Variants in SGMS2 observed in about 807,000 individuals in gnomAD.
SGMS2 encodes sphingomyelin synthase 2.
SGMS2 carries 21 observed loss-of-function variants against 43.8 expected under a neutral mutation model. That is an observed-to-expected ratio of 0.48 (90% CI 0.34 to 0.69). The LOEUF (loss-of-function observed/expected upper bound fraction) is 0.69, where lower values mean the gene tolerates loss of function less well. Ranked by LOEUF, SGMS2 falls within the 30% of genes least tolerant of loss-of-function variation. The probability of loss-of-function intolerance (pLI) is 0.01; values close to 1 mark genes in which losing one functional copy is unlikely to be tolerated. For missense variants in SGMS2, 384 were observed against 443.2 expected, an observed-to-expected ratio of 0.87 and a Z score of 1.20; for synonymous variants, 167 against 160.6, an observed-to-expected ratio of 1.04 and a Z score of -0.30.
chr4:107,844,108 G>T (rs1163340187), intron 1 of SGMS2, among the ~76,000 whole-genome samples: 1 of 151,046 alleles, frequency 6.6e-6, no homozygotes, highest in Non-Finnish European at 1.5e-5. Flanking sequence ...AGATCATGAG[G>T]TCAGGAGTTC....
intron 1 of SGMS2, among the ~76,000 whole-genome samples, chr4:107,848,567 C>T (rs938007823): frequency 6.6e-6 from 1 of 152,186 alleles, no homozygotes; most frequent in Non-Finnish European, 1.5e-5. Context: ...GCTCCACATC[C>T]TCACCAGCAT....
intron 2 of SGMS2, chr4:107,893,232 C>CCGA (rs1277804269): frequency 6.6e-6 from 1 of 152,030 alleles, no homozygotes; most frequent in Non-Finnish European, 1.5e-5. Flanking sequence ...TGTTCTAGAA[C>CCGA]CGAGTAGCTA....
At chr4:107,830,423 A>G (rs1166900954) in intron 1 of SGMS2, among the ~76,000 whole-genome samples, 2 of 152,156 alleles carry the variant, frequency 1.3e-5, no homozygotes, top group African/African-American at 4.8e-5. Flanking sequence ...GTCAAATGGT[A>G]GTTCTGTTCT....
At chr4:107,907,032 T>G (rs1236177365) in intron 5 of SGMS2, among the ~76,000 whole-genome samples, 3 of 152,158 alleles carry the variant, frequency 2.0e-5, no homozygotes, top group Non-Finnish European at 2.9e-5. Flanking sequence ...TTTAATGTCC[T>G]GAGTCTAACA....
At chr4:107,856,817 C>G (rs895853026) in intron 1 of SGMS2, among the ~76,000 whole-genome samples, 6 of 152,116 alleles carry the variant, frequency 3.9e-5, no homozygotes, top group Non-Finnish European at 7.4e-5. Flanking sequence ...CATCTGTTCA[C>G]AGCATTTCAG....
chr4:107,878,713 T>C (rs1729113306), intron 2 of SGMS2, among the ~76,000 whole-genome samples: 2 of 152,308 alleles, frequency 1.3e-5, no homozygotes, highest in South Asian at 4.1e-4. Context: ...AGATTCTCCT[T>C]CTGGAGAGCT....
Position 107,895,322 on chromosome 4 carries a change from C to A in SGMS2, c.-232C>A. The A allele has an allele frequency of 2.1e-6, 1 of 484,902 alleles. No individual in the cohort carries two copies. 30.0% of individuals were successfully genotyped at this position (484,902 alleles called of 1,614,324 possible). The stretch of plus-strand genomic sequence containing the variant: ...GTTTTGCTTTTAGGTGGGATAGTAA[C>A]ATCTTTTTGAGGGAAGAATTGGCTT... On this transcript the variant is annotated 5_prime_UTR_variant, in exon 3 of 7. Coordinates refer to ENST00000690982, the MANE Select transcript of SGMS2 (RefSeq NM_001375905.1).
At chr4:107,863,633 G>C (rs770477506) in intron 2 of SGMS2, 2 of 152,224 alleles carry the variant, frequency 1.3e-5, no homozygotes, top group African/African-American at 2.4e-5. Context: ...CAGCGGAAAG[G>C]CCATGCGATC....
At chr4:107,899,091 A>G (rs1334602565) in intron 3 of SGMS2, among the ~76,000 whole-genome samples, 1 of 152,170 alleles carries the variant, frequency 6.6e-6, no homozygotes, top group African/African-American at 2.4e-5. Flanking sequence ...ATGTGTTGTC[A>G]CATTTCCCTA....
intron 3 of SGMS2, 144 bp downstream of exon 3, chr4:107,896,152 T>G: frequency 5.3e-6 from 4 of 759,988 alleles, no homozygotes; most frequent in Non-Finnish European, 8.3e-6. Flanking sequence ...TAGAAAGCTC[T>G]ACCACATTGA....
intron 1 of SGMS2, among the ~76,000 whole-genome samples, chr4:107,827,888 A>G (rs1725682690): frequency 6.6e-6 from 1 of 152,180 alleles, no homozygotes; most frequent in South Asian, 2.1e-4. Flanking sequence ...CGGGAGGCTG[A>G]CGCAGGAGAA....
At chr4:107,849,867 A>G (rs141241126) in intron 1 of SGMS2, among the ~76,000 whole-genome samples, 75 of 152,304 alleles carry the variant, frequency 4.9e-4, no homozygotes, top group Admixed American at 1.9e-3. Flanking sequence ...TAAATTTGAA[A>G]TGAAAAACAA....
chr4:107,870,812 TAA>T (rs1170812663), intron 2 of SGMS2, among the ~76,000 whole-genome samples: 1 of 152,212 alleles, frequency 6.6e-6, no homozygotes, highest in Non-Finnish European at 1.5e-5. Flanking sequence ...TTGATATTTT[TAA>T]ATATAAATTT....
rs376080256 is a variant in SGMS2 at position 107,863,206 on chromosome 4, T to C, written c.-245+4653T>C. ...CCCAAGATCCCAGAAAATCACAACA[T>C]AGCATGGTTCCAGGAGCCTGGACTC... On this transcript the variant is annotated intron_variant, in intron 2 of 6. Transcript: ENST00000690982. Among the ~76,000 whole-genome samples, 39 of 152,268 alleles carry C rather than the reference T, an allele frequency of 2.6e-4. No individual in the cohort carries two copies. The East Asian group carries it at 6.4e-3, about 25-fold the overall frequency.
intron 1 of SGMS2, among the ~76,000 whole-genome samples, chr4:107,831,716 G>C (rs1725899633): frequency 6.6e-6 from 1 of 152,268 alleles, no homozygotes; most frequent in South Asian, 2.1e-4. Context: ...GTGCTAATAG[G>C]AGCTGGAGCC....
At position 107,915,003 on chromosome 4, in the gene SGMS2, T is replaced by A. The variant is rs1296785900; in HGVS notation, c.*4450T>A. On this transcript the variant is annotated 3_prime_UTR_variant, in exon 7 of 7. Transcript: ENST00000690982. Reference sequence around the variant, plus strand: ...AAATGCAAGAGCCTATACTTTGTATTTACCTAATAAACCACAGTGACATCA... The same window carrying A: ...AAATGCAAGAGCCTATACTTTGTATATACCTAATAAACCACAGTGACATCA... The A allele has an allele frequency of 6.6e-6, 1 of 152,208 alleles. No individual in the cohort carries two copies. Among genetic ancestry groups the A allele is most frequent in the Non-Finnish European group, 1.5e-5 (1 of 68,016 alleles). The allele number at this position is 152,208 out of a possible 1,614,324, so 9.4% of individuals were successfully genotyped here. A position where few individuals can be genotyped will look rare whatever the true frequency, so the allele number is the denominator to read the frequency against.
chr4:107,856,351 A>G (rs1007682725), intron 1 of SGMS2, among the ~76,000 whole-genome samples: 2 of 152,186 alleles, frequency 1.3e-5, no homozygotes, highest in African/African-American at 2.4e-5. Flanking sequence ...TTTGTTTTGC[A>G]TTTCCAGTAT....
At chr4:107,880,918 G>C (rs933249565) in intron 2 of SGMS2, among the ~76,000 whole-genome samples, 1 of 151,656 alleles carries the variant, frequency 6.6e-6, no homozygotes, top group African/African-American at 2.4e-5. Context: ...TGGTATTTAG[G>C]AAAAACTTTA....
intron 2 of SGMS2, among the ~76,000 whole-genome samples, chr4:107,868,797 A>G (rs1408298838): frequency 6.6e-6 from 1 of 151,930 alleles, no homozygotes; most frequent in East Asian, 1.9e-4. Context: ...CTGGAGCCCT[A>G]TTTTAGAGTT....
Sources: gnomAD v4.1 joint callset for allele counts (sites outside exome capture counted in the v4.1 genomes callset) on GRCh38, gnomAD v4.1.1 for gene constraint, MANE v1.5 for transcripts, NCBI Gene and HGNC (gene_info 2026-07-23, HGNC 2026-07-21) for gene names.